Variants in GUSB observed in about 807,000 individuals in gnomAD.
GUSB encodes beta-glucuronidase.
A neutral mutation model predicts 74.6 loss-of-function variants in GUSB; 51 were observed. The ratio of observed to expected loss-of-function variants is 0.68; its 90% confidence interval spans 0.55 to 0.86. The LOEUF (loss-of-function observed/expected upper bound fraction) is 0.86. Ranked by LOEUF, GUSB falls within the 40% of genes least tolerant of loss-of-function variation. The pLI is 0.00. For synonymous variants in GUSB, 360 were observed against 348.3 expected (o/e 1.03, Z -0.37); for missense variants, 736 against 853.7 (o/e 0.86, Z 1.72).
At chr7:65,976,886 A>G (rs895839163) in intron 4 of GUSB, among the ~76,000 whole-genome samples, 1 of 151,858 alleles carries the variant, frequency 6.6e-6, no homozygotes, top group African/African-American at 2.4e-5. Flanking sequence ...GGCTGCAGTG[A>G]GCTATGATCT....
chr7:65,979,604 G>A, intron 3 of GUSB, 63 bp from the exon 4 acceptor site: 7 of 1,599,904 alleles, frequency 4.4e-6, no homozygotes, highest in South Asian at 3.3e-5. Flanking sequence ...TCAGCTCACA[G>A]GCCTCCCTGG....
At chr7:65,970,686 G>A (rs1373596414) in intron 8 of GUSB, among the ~76,000 whole-genome samples, 1 of 152,122 alleles carries the variant, frequency 6.6e-6, no homozygotes, top group Non-Finnish European at 1.5e-5. Context: ...AAGGTCAGGA[G>A]ATCGATACCA....
Position 65,975,111 on chromosome 7 carries a change from C to A in GUSB, c.913-40G>T, listed in dbSNP as rs952342022. On this transcript the variant is annotated intron_variant, in intron 5 of 11. Coordinates refer to ENST00000304895, the MANE Select transcript of GUSB (RefSeq NM_000181.4). ...GCACCAGGTGTGAGCACCCCGACAG[C>A]CTGAGCCCCATCCGGCCTGCCCTCC... 3.8e-5 allele frequency: 61 copies of A among 1,604,822 alleles called. No homozygotes were observed. In the East Asian group the frequency reaches 1.4e-3, roughly 36 times the overall value.
At chr7:65,971,204 G>A (rs754206181) in intron 8 of GUSB, among the ~76,000 whole-genome samples, 4 of 152,200 alleles carry the variant, frequency 2.6e-5, no homozygotes, top group Non-Finnish European at 5.9e-5. Context: ...TCAAGCAAAC[G>A]GAGTGCAGGC....
chr7:65,971,456 T>C (rs985200005), intron 8 of GUSB, among the ~76,000 whole-genome samples: 1 of 151,438 alleles, frequency 6.6e-6, no homozygotes, highest in Admixed American at 6.6e-5. Context: ...GGGGCGGGCA[T>C]GGTGGCTCAC....
chr7:65,974,769 G>C (rs938229754), intron 6 of GUSB, 65 bp from the exon 7 acceptor site: 5 of 1,587,528 alleles, frequency 3.1e-6, no homozygotes, highest in Non-Finnish European at 4.3e-6. Context: ...TGAGAGCCAG[G>C]ACCCTGGAGA....
intron 5 of GUSB, chr7:65,975,579 T>G (rs1791514409): frequency 4.4e-6 from 1 of 226,400 alleles, no homozygotes; most frequent in South Asian, 6.1e-5. Context: ...GAGATGGGGT[T>G]TCACCATGTT....
chr7:65,978,286 A>G (rs1253398998), intron 4 of GUSB, among the ~76,000 whole-genome samples: 3 of 152,076 alleles, frequency 2.0e-5, no homozygotes, highest in Admixed American at 6.5e-5. Flanking sequence ...CATCTCTACT[A>G]AAAATACAAA....
intron 5 of GUSB, 148 bp downstream of exon 5, chr7:65,975,864 AAAG>A (rs1311726702): frequency 3.2e-6 from 2 of 625,336 alleles, no homozygotes; most frequent in Admixed American, 3.0e-5. Context: ...AAAAAAAAAA[AAAG>A]AAAATGGGCC....
chr7:65,968,230 CA>C (rs60554800), intron 9 of GUSB, among the ~76,000 whole-genome samples: 51,805 of 121,556 alleles, frequency 0.43, 10,920 homozygotes, highest in African/African-American at 0.6. Flanking sequence ...CCATTTCTAC[CA>C]AAAAAAAAAA....
intron 5 of GUSB, 138 bp downstream of exon 5, chr7:65,975,877 C>T: frequency 1.5e-6 from 1 of 661,344 alleles, no homozygotes; most frequent in East Asian, 2.7e-5. Context: ...GAAAATGGGC[C>T]TCCCACCAAG....
chr7:65,970,408 G>T, intron 8 of GUSB, 42 bp from the exon 9 acceptor site: 3 of 1,305,360 alleles, frequency 2.3e-6, no homozygotes, highest in Non-Finnish European at 3.3e-6. Context: ...ATCAGTCCAG[G>T]AATGGCTCAG....
rs375828604 is a variant in GUSB at position 65,975,066 on chromosome 7, C to A, written c.918G>T (p.Gln306His). ...GCCCCAGTGACGTCTGTGCAGTCAG[C>A]TGCACCTATGACAGCCAAAGCACCA... The part of the protein sequence containing the change: ...RPAYLYSLEV[Q>H]LTAQTSLGPV... The change falls in exon 6 of 12, where the codon CAG becomes CAT. Residue 306 changes from glutamine (Q) to histidine (H), a missense_variant. Transcript: ENST00000304895. 1.1e-4 allele frequency: 184 copies of A among 1,613,296 alleles called. No individual in the cohort carries two copies. The highest frequency in any genetic ancestry group is 1.5e-4 in the Non-Finnish European group (179 of 1,179,732).
intron 10 of GUSB, 53 bp downstream of exon 10, chr7:65,967,678 G>C (rs973385123): frequency 6.9e-7 from 1 of 1,454,814 alleles, no homozygotes; most frequent in African/African-American, 1.4e-5. Flanking sequence ...GAGGAGGTGA[G>C]TGACATCTCT....
Position 65,976,186 on chromosome 7 carries a change from C to G in GUSB, c.741G>C (p.Gln247His), listed in dbSNP as rs1562689213. 2 of 1,612,620 alleles carry G rather than the reference C, an allele frequency of 1.2e-6. No homozygotes were observed. Among genetic ancestry groups the G allele is most frequent in the Admixed American group, 1.7e-5 (1 of 60,020 alleles). The change falls in exon 5 of 12, where the codon CAG becomes CAC. Residue 247 changes from glutamine (Q) to histidine (H), a missense_variant. Physicochemically the swap from Gln to His is conservative, Grantham distance 24. Coordinates refer to ENST00000304895, the MANE Select transcript of GUSB (RefSeq NM_000181.4). ...VEQDSGLVNY[Q>H]ISVKGSNLFK... ...ACAGGTTACTGCCCTTGACAGAGAT[C>G]TGGTAATTCACCAGCCCTGCAAGAA...
At chr7:65,970,816 AAGG>A (rs1480551184) in intron 8 of GUSB, among the ~76,000 whole-genome samples, 1 of 151,972 alleles carries the variant, frequency 6.6e-6, no homozygotes, top group South Asian at 2.1e-4. Context: ...GTGAACCCAG[AAGG>A]AGGAGTCTGC....
chr7:65,975,382 T>TAA, intron 5 of GUSB: 8 of 380,772 alleles, frequency 2.1e-5, no homozygotes, highest in Non-Finnish European at 3.5e-5. Flanking sequence ...CCCATCTCTA[T>TAA]AAAAAAAAAA....
intron 4 of GUSB, among the ~76,000 whole-genome samples, chr7:65,979,143 G>C (rs1791803367): frequency 6.6e-6 from 1 of 152,144 alleles, no homozygotes; most frequent in Non-Finnish European, 1.5e-5. Context: ...TAGCACCATA[G>C]AGAAGGGACA....
rs752200387 is a variant in GUSB, at chr7:65,961,068, A to C, written c.1790-5T>G. ...TCCCCAGCACTCTCGTCGGTGCTAC[A>C]AAAAAAAAAAAAAGACACAAAGCGA... On this transcript the variant is annotated splice_region_variant and splice_polypyrimidine_tract_variant and intron_variant, in intron 11 of 11. Coordinates refer to ENST00000304895, the MANE Select transcript of GUSB (RefSeq NM_000181.4). 9.8e-6 allele frequency: 2 copies of C among 204,364 alleles called. No homozygotes were observed. Among genetic ancestry groups the C allele is most frequent in the African/African-American group, 4.9e-5 (2 of 41,052 alleles). 12.7% of individuals were successfully genotyped at this position (204,364 alleles called of 1,614,324 possible). A position where few individuals can be genotyped will look rare whatever the true frequency, so the allele number is the denominator to read the frequency against.
Sources: allele counts gnomAD v4.1 joint callset (sites outside exome capture counted in the v4.1 genomes callset), GRCh38; gene constraint gnomAD v4.1.1; transcripts MANE v1.5; gene names NCBI Gene and HGNC (gene_info 2026-07-23, HGNC 2026-07-21).